The following FAM163B variants were observed in gnomAD, a reference collection of about 807,000 sequenced individuals.
FAM163B encodes the protein family with sequence similarity 163 member B.
In FAM163B, 4 loss-of-function variants were observed where a neutral mutation model predicts 7.6. The ratio of observed to expected loss-of-function variants is 0.52; its 90% CI spans 0.26 to 1.20. The LOEUF (loss-of-function observed/expected upper bound fraction) is 1.20. Ranked by LOEUF, FAM163B falls within the 50% of genes most tolerant of loss-of-function variation. The probability of loss-of-function intolerance (pLI) is 0.14; values close to 1 mark genes in which losing one functional copy is unlikely to be tolerated. For missense variants in FAM163B, 250 were observed against 243.0 expected, an observed-to-expected ratio of 1.03 and a Z score of -0.19; for synonymous variants, 120 against 111.6, an observed-to-expected ratio of 1.07 and a Z score of -0.47.
chr9:133,589,341 G>A (rs1831499883), intron 1 of FAM163B, among the ~76,000 whole-genome samples: 1 of 152,224 alleles, frequency 6.6e-6, no homozygotes, highest in South Asian at 2.1e-4. Context: ...CCAAGGCAAA[G>A]ATTATTATTA....
intron 1 of FAM163B, among the ~76,000 whole-genome samples, chr9:133,585,416 C>A (rs1831420125): frequency 6.6e-6 from 1 of 152,256 alleles, no homozygotes; most frequent in Admixed American, 6.5e-5. Context: ...CCCTCACTTG[C>A]CGTAAAGCCC....
rs2131211717 is a variant in FAM163B, at chr9:133,580,045, G to A, written c.93+86C>T. On this transcript the variant is annotated intron_variant, in intron 2 of 2. Transcript: ENST00000673969. ...CCCCACTTCCCGGGCCGTGACCCTT[G>A]TGACCTTCAGGCGGGGCTCCCTCCC... The A allele has an allele frequency of 5.2e-6, 6 of 1,160,414 alleles. No homozygotes were observed. In the East Asian group the frequency reaches 1.2e-4, roughly 24 times the overall value. 71.9% of individuals were successfully genotyped at this position (1,160,414 alleles called of 1,614,324 possible). A position where few individuals can be genotyped will look rare whatever the true frequency, so the allele number is the denominator to read the frequency against.
intron 1 of FAM163B, among the ~76,000 whole-genome samples, chr9:133,581,083 T>A (rs1444312143): frequency 6.6e-5 from 10 of 152,192 alleles, no homozygotes; most frequent in Admixed American, 6.5e-4. Context: ...AACTCCTTCT[T>A]GTGGAAAATG....
intron 1 of FAM163B, among the ~76,000 whole-genome samples, chr9:133,598,634 C>T (rs1052033952): frequency 3.3e-5 from 5 of 152,110 alleles, no homozygotes; most frequent in African/African-American, 9.6e-5. Context: ...AGAGAGGGAC[C>T]GCTTTCCCAG....
chr9:133,584,955 G>A (rs1273729637), intron 1 of FAM163B, among the ~76,000 whole-genome samples: 1 of 152,200 alleles, frequency 6.6e-6, no homozygotes, highest in Non-Finnish European at 1.5e-5. Context: ...TCTGCCCCCT[G>A]GGACCATAAA....
chr9:133,585,655 G>A (rs1257972077), intron 1 of FAM163B, among the ~76,000 whole-genome samples: 20 of 152,230 alleles, frequency 1.3e-4, no homozygotes, highest in African/African-American at 4.3e-4. Flanking sequence ...CAAACCAACC[G>A]GGCCCCAGGA....
At chr9:133,607,149 C>G (rs776323851) in intron 1 of FAM163B, among the ~76,000 whole-genome samples, 6 of 152,150 alleles carry the variant, frequency 3.9e-5, no homozygotes, top group Non-Finnish European at 5.9e-5. Flanking sequence ...CCTACTCCAT[C>G]CGGGGCTTAG....
At chr9:133,580,321 T>G (rs1831337466) in intron 1 of FAM163B, 75 bp from the exon 2 acceptor site, 1 of 1,190,686 alleles carries the variant, frequency 8.4e-7, no homozygotes, top group South Asian at 1.3e-5. Flanking sequence ...TCTAGAGAAC[T>G]GAGAAGACAA....
chr9:133,592,564 C>T (rs919129602), intron 1 of FAM163B, among the ~76,000 whole-genome samples: 1 of 152,300 alleles, frequency 6.6e-6, no homozygotes, highest in East Asian at 1.9e-4. Context: ...GGAGGCTGCG[C>T]CAGTGAACAT....
At chr9:133,580,359 G>A in intron 1 of FAM163B, 113 bp from the exon 2 acceptor site, 1 of 802,518 alleles carries the variant, frequency 1.2e-6, no homozygotes, top group South Asian at 1.6e-5. Context: ...ACCCCAGGAT[G>A]TGCCTGTGAG....
At chr9:133,595,532 T>C (rs1356779903) in intron 1 of FAM163B, among the ~76,000 whole-genome samples, 1 of 152,190 alleles carries the variant, frequency 6.6e-6, no homozygotes, top group African/African-American at 2.4e-5. Flanking sequence ...GCTGTAGCCC[T>C]TGGCTTCTGG....
intron 1 of FAM163B, among the ~76,000 whole-genome samples, chr9:133,590,362 A>G (rs1284531706): frequency 6.6e-6 from 1 of 151,818 alleles, no homozygotes; most frequent in Non-Finnish European, 1.5e-5. Flanking sequence ...GGGCCAGGCC[A>G]GGACTTGCTG....
chr9:133,595,444 C>T (rs1016486158), intron 1 of FAM163B, among the ~76,000 whole-genome samples: 4 of 152,200 alleles, frequency 2.6e-5, no homozygotes, highest in Non-Finnish European at 4.4e-5. Context: ...CCACTGCACC[C>T]GGCCAGGACT....
intron 1 of FAM163B, among the ~76,000 whole-genome samples, chr9:133,588,728 A>G (rs1445122521): frequency 9.8e-5 from 1 of 10,200 alleles, no homozygotes; most frequent in Non-Finnish European, 2.0e-4. Context: ...TGACCCACTC[A>G]TTGTGCAGTT....
intron 1 of FAM163B, 96 bp from the exon 2 acceptor site, chr9:133,580,342 A>G: frequency 1.0e-6 from 1 of 959,968 alleles, no homozygotes; most frequent in Non-Finnish European, 1.6e-6. Context: ...GCTGAGGGGA[A>G]AAAAGCACCC....
At chr9:133,590,351 A>G (rs1588327899) in intron 1 of FAM163B, among the ~76,000 whole-genome samples, 1 of 149,056 alleles carries the variant, frequency 6.7e-6, no homozygotes, top group East Asian at 2.1e-4. Context: ...GACGGGAGGG[A>G]GGGCCAGGCC....
rs1443779467 is a variant in FAM163B at position 133,578,255 on chromosome 9, T to G, written c.*767A>C. Among the ~76,000 whole-genome samples, 6 of 152,172 alleles carry G rather than the reference T, an allele frequency of 3.9e-5. No individual in the cohort carries two copies. Among genetic ancestry groups the G allele is most frequent in the African/African-American group, 1.2e-4 (5 of 41,456 alleles). On this transcript the variant is annotated 3_prime_UTR_variant, in exon 3 of 3. Coordinates refer to ENST00000673969, the MANE Select transcript of FAM163B (RefSeq NM_001080515.3). ...TCTGGCTGAGCACTGGGTCTATACA[T>G]TTCCACGTTGCCTCTCCCACGGCAG... is the stretch of plus-strand genomic sequence containing the variant.
At position 133,577,140 on chromosome 9, in the gene FAM163B, G is replaced by A. The variant is rs745606296; in HGVS notation, c.*1882C>T. 1.6e-3 allele frequency among the ~76,000 whole-genome samples: 239 copies of A among 152,360 alleles called. No individual in the cohort carries two copies. The highest frequency in any genetic ancestry group is 2.3e-3 in the Non-Finnish European group (159 of 68,032). On this transcript the variant is annotated 3_prime_UTR_variant, in exon 3 of 3. Transcript: ENST00000673969. The stretch of plus-strand genomic sequence containing the variant: ...AGGGAGCCAGCGGCTCCCCCAGCAG[G>A]TCCCCACGGTGGAGCCGAGTGAGCT...
chr9:133,583,002 GTGT>G (rs1831379336), intron 1 of FAM163B, among the ~76,000 whole-genome samples: 3 of 152,198 alleles, frequency 2.0e-5, no homozygotes, highest in African/African-American at 7.2e-5. Context: ...CTCCTGCTGT[GTGT>G]ATGTCACCTA....
Sources: gnomAD v4.1 joint callset for allele counts (sites outside exome capture counted in the v4.1 genomes callset) on GRCh38, gnomAD v4.1.1 for gene constraint, MANE v1.5 for transcripts, NCBI Gene and HGNC (gene_info 2026-07-23, HGNC 2026-07-21) for gene names.